Variants in APOBEC2 observed in about 807,000 individuals in gnomAD.
APOBEC2 encodes the protein C->U-editing enzyme APOBEC-2.
Under a neutral mutation model 19.4 loss-of-function variants are expected in APOBEC2, and 14 were observed. The observed-to-expected ratio is 0.72, with a 90% confidence interval of 0.48 to 1.13. The LOEUF is 1.13. Among genes scored for constraint, APOBEC2 ranks in the 50% most tolerant of loss-of-function variants. The pLI is 0.00. For synonymous variants in APOBEC2, 127 were observed against 112.1 expected (o/e 1.13, Z -0.84); for missense variants, 304 against 277.0 (o/e 1.10, Z -0.69).
chr6:41,059,007 G>T (rs1762839698), intron 1 of APOBEC2, among the ~76,000 whole-genome samples: 1 of 152,112 alleles, frequency 6.6e-6, no homozygotes, highest in African/African-American at 2.4e-5. Flanking sequence ...CTCTCCCTTG[G>T]GTTTCAGGTT....
intron 1 of APOBEC2, 105 bp downstream of exon 1, chr6:41,053,583 A>G: frequency 1.3e-6 from 2 of 1,523,834 alleles, no homozygotes; most frequent in South Asian, 1.3e-5. Flanking sequence ...GGACAGCTAC[A>G]ACCCTGCAGC....
At position 41,053,238 on chromosome 6, in the gene APOBEC2, C is replaced by A. The variant is rs1581987389; in HGVS notation, c.-110C>A. 4.8e-6 allele frequency: 7 copies of A among 1,444,950 alleles called. No homozygotes were observed. Among genetic ancestry groups the A allele is most frequent in the South Asian group, 4.1e-5 (3 of 73,504 alleles). The allele number at this position is 1,444,950 out of a possible 1,614,324, so 89.5% of individuals were successfully genotyped here. A position where few individuals can be genotyped will look rare whatever the true frequency, so the allele number is the denominator to read the frequency against. The stretch of plus-strand genomic sequence containing the variant: ...CTGCTGGGTCCTTTTCCCGTCATCC[C>A]CAGCCAGATTTAGCTGCTGACAGCT... On this transcript the variant is annotated 5_prime_UTR_variant, in exon 1 of 3. Transcript: ENST00000244669.
At position 41,061,490 on chromosome 6, in the gene APOBEC2, T is replaced by C. The variant is rs780291922; in HGVS notation, c.294T>C (p.His98=). The C allele has an allele frequency of 6.2e-7, 1 of 1,613,880 alleles. No homozygotes were observed. Among genetic ancestry groups the C allele is most frequent in the African/African-American group, 1.3e-5 (1 of 74,946 alleles). ...TAGAGGATGAGCATGCGGCTGCCCA[T>C]GCAGAGGAAGCTTTCTTCAACACCA... ...GYLEDEHAAA[H]AEEAFFNTIL... is the part of the protein sequence containing the mutation. The change falls in exon 2 of 3, where the codon CAT becomes CAC. Residue 98 remains histidine, a synonymous_variant. Transcript: ENST00000244669.
chr6:41,054,187 G>C (rs1762765081), intron 1 of APOBEC2, among the ~76,000 whole-genome samples: 1 of 152,244 alleles, frequency 6.6e-6, no homozygotes, highest in Non-Finnish European at 1.5e-5. Flanking sequence ...GGAGGGGGCT[G>C]TGTGCAGGGT....
chr6:41,061,619 G>C lies in APOBEC2; in HGVS notation c.423G>C (p.Lys141Asn). The change falls in exon 2 of 3, where the codon AAG becomes AAC. Residue 141 changes from lysine (K) to asparagine (N), a missense_variant. Coordinates refer to ENST00000244669, the MANE Select transcript of APOBEC2 (RefSeq NM_006789.4). Reference sequence around the variant, plus strand: ...ACCGCATTATCAAAACCCTTAGCAAGACCAAGAACCTGCGTCTGCTCATTC... The same window carrying C: ...ACCGCATTATCAAAACCCTTAGCAACACCAAGAACCTGCGTCTGCTCATTC... ...CADRIIKTLS[K>N]TKNLRLLILV... 6.2e-7 allele frequency: 1 copy of C among 1,614,232 alleles called. No individual in the cohort carries two copies. The highest frequency in any genetic ancestry group is 1.1e-5 in the South Asian group (1 of 91,086).
chr6:41,062,949 C>G (rs909499561), intron 2 of APOBEC2, among the ~76,000 whole-genome samples: 1 of 152,184 alleles, frequency 6.6e-6, no homozygotes, highest in Non-Finnish European at 1.5e-5. Flanking sequence ...TCACGACACT[C>G]TTACCCAACT....
chr6:41,059,994 T>A (rs1272027327), intron 1 of APOBEC2, among the ~76,000 whole-genome samples: 1 of 152,230 alleles, frequency 6.6e-6, no homozygotes, highest in East Asian at 1.9e-4. Flanking sequence ...TCTCTTGACA[T>A]TTTTCATCTC....
intron 1 of APOBEC2, among the ~76,000 whole-genome samples, chr6:41,055,369 C>A (rs1762781898): frequency 6.6e-6 from 1 of 152,146 alleles, no homozygotes; most frequent in Non-Finnish European, 1.5e-5. Context: ...GTTTCCTGGC[C>A]ACAAGTAACA....
intron 1 of APOBEC2, among the ~76,000 whole-genome samples, chr6:41,060,648 T>C (rs551756966): frequency 2.4e-4 from 37 of 152,302 alleles, no homozygotes; most frequent in African/African-American, 8.7e-4. Context: ...CAGATAAAAA[T>C]TCTTGGACAC....
At chr6:41,056,201 C>T (rs1235722874) in intron 1 of APOBEC2, among the ~76,000 whole-genome samples, 1 of 152,154 alleles carries the variant, frequency 6.6e-6, no homozygotes, top group East Asian at 1.9e-4. Flanking sequence ...AGCTCACTGT[C>T]GTCGCAACCT....
At chr6:41,055,466 G>A (rs1271725370) in intron 1 of APOBEC2, among the ~76,000 whole-genome samples, 1 of 152,154 alleles carries the variant, frequency 6.6e-6, no homozygotes, top group Non-Finnish European at 1.5e-5. Context: ...TGCAGGGAGA[G>A]GGTGAGGGAA....
At chr6:41,054,829 G>A (rs370809450) in intron 1 of APOBEC2, among the ~76,000 whole-genome samples, 1 of 152,140 alleles carries the variant, frequency 6.6e-6, no homozygotes, top group Non-Finnish European at 1.5e-5. Context: ...GCTGGTATAC[G>A]CTATCCTTAG....
chr6:41,059,563 C>T (rs1439483498), intron 1 of APOBEC2, among the ~76,000 whole-genome samples: 1 of 152,150 alleles, frequency 6.6e-6, no homozygotes, highest in African/African-American at 2.4e-5. Flanking sequence ...AAACAATAAA[C>T]ACCTCCAACT....
rs748572586 is a variant in APOBEC2 at position 41,060,944 on chromosome 6, T to C, written c.132-384T>C. On this transcript the variant is annotated intron_variant, in intron 1 of 2. Transcript: ENST00000244669. ...CACCTCTCCACATGTTCTGATTTAA[T>C]TGGTTTGGCATGAGGCCCAGGCACT... Among the ~76,000 whole-genome samples the C allele has an allele frequency of 2.0e-5, 3 of 152,234 alleles. No homozygotes were observed. In the East Asian group the frequency reaches 5.8e-4, roughly 29 times the overall value.
chr6:41,058,151 C>CACACA lies in APOBEC2; in HGVS notation c.132-3177_132-3176insACACA, dbSNP rs1561837132. 1.3e-3 allele frequency among the ~76,000 whole-genome samples: 93 copies of CACACA among 69,078 alleles called. 4 individuals carry two copies. The South Asian group carries it at 0.037, about 27-fold the overall frequency. The allele number at this position is 69,078 out of a possible 152,430, so 45.3% of individuals were successfully genotyped here. A position where few individuals can be genotyped will look rare whatever the true frequency, so the allele number is the denominator to read the frequency against. On this transcript the variant is annotated intron_variant, in intron 1 of 2. Coordinates refer to ENST00000244669, the MANE Select transcript of APOBEC2 (RefSeq NM_006789.4). ...CACCACCCACCACCACCACCCCACC[C>CACACA]CACACACACACACACACACACACAC... is the stretch of plus-strand genomic sequence containing the variant.
chr6:41,062,395 G>A (rs1179400169), intron 2 of APOBEC2, among the ~76,000 whole-genome samples: 2 of 152,126 alleles, frequency 1.3e-5, no homozygotes, highest in Non-Finnish European at 2.9e-5. Flanking sequence ...TGGTAATTTT[G>A]AAATTCCCCA....
At chr6:41,061,200 A>T in intron 1 of APOBEC2, 128 bp from the exon 2 acceptor site, 1 of 529,872 alleles carries the variant, frequency 1.9e-6, no homozygotes, top group South Asian at 7.2e-5. Flanking sequence ...TACCACAGAC[A>T]AGACCTATTT....
Position 41,053,416 on chromosome 6 carries a change from C to T in APOBEC2, c.69C>T (p.Asn23=). The T allele has an allele frequency of 1.2e-6, 2 of 1,614,194 alleles. No homozygotes were observed. Among genetic ancestry groups the T allele is most frequent in the Non-Finnish European group, 1.7e-6 (2 of 1,180,040 alleles). Residue 23 remains asparagine (N), a synonymous_variant, in exon 1 of 3, where the codon AAC becomes AAT. Coordinates refer to ENST00000244669, the MANE Select transcript of APOBEC2 (RefSeq NM_006789.4). ...AASQNGEDLE[N]LDDPEKLKEL... is the part of the protein sequence containing the mutation. ...CCCAGAATGGGGAGGATCTGGAGAACCTGGACGACCCTGAGAAGCTGAAAG... is the reference window on the plus strand; with the variant it reads ...CCCAGAATGGGGAGGATCTGGAGAATCTGGACGACCCTGAGAAGCTGAAAG...
Position 41,061,774 on chromosome 6 carries a change from A to T in APOBEC2, c.578A>T (p.Glu193Val), listed in dbSNP as rs780315538. The change falls in exon 2 of 3, where the codon GAG (glutamate) becomes GTG (valine). Residue 193 changes from glutamate (E) to valine (V), a missense_variant. Physicochemically the swap from Glu to Val is moderately radical, Grantham distance 121 (BLOSUM62 -2). Coordinates refer to ENST00000244669, the MANE Select transcript of APOBEC2 (RefSeq NM_006789.4). ...DFEYVWQNFVEQEEGESKAFQ... is the reference protein window; with the variant it reads ...DFEYVWQNFVVQEEGESKAFQ... ...GAATATGTCTGGCAGAATTTTGTGG[A>T]GCAAGAAGAGGGTGAATCCAAGGCC... 6.2e-7 allele frequency: 1 copy of T among 1,614,224 alleles called. No individual in the cohort carries two copies.
Sources: allele counts gnomAD v4.1 joint callset (sites outside exome capture counted in the v4.1 genomes callset), GRCh38; gene constraint gnomAD v4.1.1; transcripts MANE v1.5; gene names NCBI Gene and HGNC (gene_info 2026-07-23, HGNC 2026-07-21).